Variants in DMD observed in about 807,000 individuals in gnomAD.
The protein encoded by DMD is dystrophin, also known as mutant dystrophin.
Under a neutral mutation model 330.1 loss-of-function variants are expected in DMD, and 63 were observed. That is an observed-to-expected ratio of 0.19 (90% CI 0.16 to 0.24). The LOEUF is 0.24. DMD is among the 10% of genes least tolerant of loss of function. The probability of loss-of-function intolerance (pLI) is 1.00; values close to 1 mark genes in which losing one functional copy is unlikely to be tolerated. For missense variants in DMD, 3,344 were observed against 2,684.1 expected, an observed-to-expected ratio of 1.25 and a Z score of -5.43; for synonymous variants, 1,223 against 959.8, an observed-to-expected ratio of 1.27 and a Z score of -5.07.
chrX:31,485,766 G>A (rs1284285906), intron 57 of DMD, among the ~76,000 whole-genome samples: 1 of 112,045 alleles, frequency 8.9e-6, no homozygotes, highest in Non-Finnish European at 1.9e-5. Flanking sequence ...AAACACAGAT[G>A]TCTTTCAATC....
chrX:31,142,352 AAT>A (rs1194345247), intron 76 of DMD, among the ~76,000 whole-genome samples: 1 of 112,007 alleles, frequency 8.9e-6, no homozygotes, highest in Non-Finnish European at 1.9e-5. Flanking sequence ...TACACGCATG[AAT>A]ATGATTAAAT....
chrX:32,610,136 G>T (rs2057049107), intron 12 of DMD, among the ~76,000 whole-genome samples: 1 of 111,010 alleles, frequency 9.0e-6, no homozygotes. Context: ...AGACAAAAAA[G>T]ACCAGCTAGA....
intron 9 of DMD, among the ~76,000 whole-genome samples, chrX:32,662,510 G>A (rs2061010888): frequency 9.0e-6 from 1 of 111,729 alleles, no homozygotes; most frequent in Non-Finnish European, 1.9e-5. Context: ...GAAAGTACAT[G>A]CATGACATTT....
intron 4 of DMD, among the ~76,000 whole-genome samples, chrX:32,837,860 T>G (rs1262288480): frequency 8.9e-6 from 1 of 112,136 alleles, no homozygotes; most frequent in East Asian, 2.8e-4. Flanking sequence ...ATTTTCTGAA[T>G]GCCTTGTTGA....
chrX:32,549,173 C>T (rs1331968851), intron 16 of DMD, among the ~76,000 whole-genome samples: 1 of 111,969 alleles, frequency 8.9e-6, no homozygotes, highest in Non-Finnish European at 1.9e-5. Flanking sequence ...TAAGTAGAGG[C>T]ATTGGAGCCA....
chrX:32,760,504 A>C (rs1005772074), intron 7 of DMD, among the ~76,000 whole-genome samples: 2 of 111,645 alleles, frequency 1.8e-5, no homozygotes, highest in African/African-American at 6.5e-5. Context: ...AAGGAACTGT[A>C]TCTCTCTCCC....
chrX:31,888,174 T>C (rs769592786), intron 47 of DMD, among the ~76,000 whole-genome samples: 45 of 111,636 alleles, frequency 4.0e-4, no homozygotes, highest in Middle Eastern at 4.7e-3. Context: ...AAATTCTTGA[T>C]ATGTTTTCTG....
intron 17 of DMD, among the ~76,000 whole-genome samples, chrX:32,521,503 T>G (rs888752829): frequency 8.9e-6 from 1 of 112,196 alleles, no homozygotes; most frequent in African/African-American, 3.2e-5. Flanking sequence ...TCTACTCTAC[T>G]ATCTCTCACC....
chrX:33,139,847 T>C (rs759484442), intron 1 of DMD, among the ~76,000 whole-genome samples: 2 of 96,291 alleles, frequency 2.1e-5, no homozygotes, highest in Non-Finnish European at 4.0e-5. Context: ...GTGTGAGAAT[T>C]GACTAATACA....
intron 52 of DMD, among the ~76,000 whole-genome samples, chrX:31,699,295 T>C (rs1383264893): frequency 8.9e-6 from 1 of 112,435 alleles, no homozygotes; most frequent in Non-Finnish European, 1.9e-5. Context: ...AATACGTTTC[T>C]TGATGCCTCT....
intron 2 of DMD, among the ~76,000 whole-genome samples, chrX:32,889,980 C>G: frequency 9.0e-6 from 1 of 111,544 alleles, no homozygotes. Context: ...TATGCAGGAT[C>G]TACCGGAAAG....
chrX:31,761,343 C>T (rs777022282), intron 51 of DMD, among the ~76,000 whole-genome samples: 2 of 110,252 alleles, frequency 1.8e-5, no homozygotes, highest in East Asian at 2.8e-4. Context: ...GAATAGACTA[C>T]GAATGGCCAT....
At chrX:33,166,794 T>A (rs2049079190) in intron 1 of DMD, among the ~76,000 whole-genome samples, 1 of 109,735 alleles carries the variant, frequency 9.1e-6, no homozygotes, top group Non-Finnish European at 1.9e-5. Flanking sequence ...TTTTCCTCAG[T>A]GTGTATTCAT....
At chrX:32,610,878 T>C (rs1247270937) in intron 12 of DMD, among the ~76,000 whole-genome samples, 1 of 111,138 alleles carries the variant, frequency 9.0e-6, no homozygotes, top group African/African-American at 3.3e-5. Context: ...TTTACAATTC[T>C]TGGGAAAAAA....
intron 59 of DMD, among the ~76,000 whole-genome samples, chrX:31,465,500 C>A (rs2066795396): frequency 9.0e-6 from 1 of 110,758 alleles, no homozygotes; most frequent in Non-Finnish European, 1.9e-5. Flanking sequence ...TTGATGGCTT[C>A]CAGCTTCATC....
At chrX:32,199,778 TTTTGTGTGTGTGTGTGTGTGTGTG>T (rs1251988797) in intron 44 of DMD, among the ~76,000 whole-genome samples, 1 of 69,280 alleles carries the variant, frequency 1.4e-5, no homozygotes, top group African/African-American at 5.8e-5. Context: ...CACGCAAGGC[TTTTGTGTGTGTGTGTGTGTGTGTG>T]TGTGTGTGTG....
chrX:31,612,473 A>G (rs1314541561), intron 55 of DMD, among the ~76,000 whole-genome samples: 1 of 111,857 alleles, frequency 8.9e-6, no homozygotes, highest in Non-Finnish European at 1.9e-5. Context: ...CGGCATAGTG[A>G]TGTGAAATGC....
chrX:31,474,462 G>A (rs1021052733), intron 59 of DMD, among the ~76,000 whole-genome samples: 2 of 109,249 alleles, frequency 1.8e-5, no homozygotes, highest in African/African-American at 6.7e-5. Flanking sequence ...TCCACTTTGG[G>A]AGGCCAAGGT....
rs10692022 is a variant in DMD at position 32,429,387 on chromosome X, G to GTTT, written c.4071+8851_4071+8853dup. ...ACCAAGCCTGGATACTTTTTTTTGG[G>GTTT]TTTTTTTTTTTTTTTTTTTTTTTTG... On this transcript the variant is annotated intron_variant, in intron 29 of 78. Coordinates refer to ENST00000357033, the MANE Select transcript of DMD (RefSeq NM_004006.3). 9.7e-3 allele frequency among the ~76,000 whole-genome samples: 426 copies of GTTT among 44,145 alleles called. 45 individuals carry two copies. The highest frequency in any genetic ancestry group is 0.034 in the African/African-American group (303 of 9,001). The allele number at this position is 44,145 out of a possible 115,157, so 38.3% of individuals were successfully genotyped here. A position where few individuals can be genotyped will look rare whatever the true frequency, so the allele number is the denominator to read the frequency against.
Sources: allele counts gnomAD v4.1 joint callset (sites outside exome capture counted in the v4.1 genomes callset), GRCh38; gene constraint gnomAD v4.1.1; transcripts MANE v1.5; gene names NCBI Gene and HGNC (gene_info 2026-07-23, HGNC 2026-07-21).